Variants in SSH3 observed in about 807,000 individuals in gnomAD.
SSH3 encodes protein phosphatase Slingshot homolog 3.
A neutral mutation model predicts 75.0 loss-of-function variants in SSH3; 67 were observed. The observed-to-expected ratio is 0.89, with a 90% confidence interval of 0.73 to 1.10. The LOEUF is 1.10. Among genes scored for constraint, SSH3 ranks in the 50% least tolerant of loss-of-function variants. The probability of loss-of-function intolerance (pLI) is 0.00; values close to 1 mark genes in which losing one functional copy is unlikely to be tolerated. For synonymous variants in SSH3, 318 were observed against 349.2 expected, an observed-to-expected ratio of 0.91 and a Z score of 1.00; for missense variants, 824 against 872.7, an observed-to-expected ratio of 0.94 and a Z score of 0.70.
Position 67,306,996 on chromosome 11 carries a change from G to A in SSH3, c.464+34G>A, listed in dbSNP as rs111668765. Reference sequence around the variant, plus strand: ...AGGGAGAGGAAAGGAGGGGCAAAGAGGTGAGGGACAGGGGGGACAATGGCT... The same window carrying A: ...AGGGAGAGGAAAGGAGGGGCAAAGAAGTGAGGGACAGGGGGGACAATGGCT... On this transcript the variant is annotated intron_variant, in intron 4 of 13. Transcript: ENST00000308127. 8.8e-4 allele frequency: 1,424 copies of A among 1,613,320 alleles called. 11 individuals are homozygous for A. In the African/African-American group the frequency reaches 0.017, roughly 19 times the overall value.
At chr11:67,304,042 ACT>A (rs778819419) in intron 1 of SSH3, 74 bp from the exon 2 acceptor site, 1,054 of 1,508,662 alleles carry the variant, frequency 7.0e-4, no homozygotes, top group Non-Finnish European at 8.9e-4. Flanking sequence ...GCCTCCCCCA[ACT>A]CTAGAATTCC....
chr11:67,306,773 G>T, intron 3 of SSH3, 65 bp from the exon 4 acceptor site: 1 of 1,524,712 alleles, frequency 6.6e-7, no homozygotes. Flanking sequence ...CTGGGCCTGG[G>T]GTGTCTAGGT....
intron 3 of SSH3, 55 bp downstream of exon 3, chr11:67,305,062 A>T: frequency 6.6e-7 from 1 of 1,520,316 alleles, no homozygotes; most frequent in East Asian, 2.4e-5. Flanking sequence ...GCCTGAGGGC[A>T]GAATGGAGCC....
Position 67,309,436 on chromosome 11 carries a change from C to A in SSH3, c.1101C>A (p.Asn367Lys). The A allele has an allele frequency of 6.2e-7, 1 of 1,614,196 alleles. No homozygotes were observed. Among genetic ancestry groups the A allele is most frequent in the Non-Finnish European group, 8.5e-7 (1 of 1,180,028 alleles). The change falls in exon 11 of 14, where the codon AAC becomes AAA. Residue 367 changes from asparagine to lysine, a missense_variant. Asn to Lys is a moderately conservative substitution (Grantham distance 94). Coordinates refer to ENST00000308127, the MANE Select transcript of SSH3 (RefSeq NM_017857.4). ...TGAACATGGCCCGGGAGATTGACAA[C>A]TTCTACCCTGAGCGCTTCACCTACC... ...HILNMAREIDNFYPERFTYHN... is the reference protein window; with the variant it reads ...HILNMAREIDKFYPERFTYHN...
rs981059150 is a variant in SSH3 at position 67,306,773 on chromosome 11, G to A, written c.340-65G>A. The A allele has an allele frequency of 2.0e-6, 3 of 1,524,594 alleles. No homozygotes were observed. In the African/African-American group the frequency reaches 4.1e-5, roughly 21 times the overall value. The allele number at this position is 1,524,594 out of a possible 1,614,324, so 94.4% of individuals were successfully genotyped here. ...AGGGTCAGCACTGTTCTGGGCCTGG[G>A]GTGTCTAGGTGGGGAGCAGGGTCCT... On this transcript the variant is annotated intron_variant, in intron 3 of 13. Transcript: ENST00000308127.
In SSH3 at chr11:67,307,954, CG is replaced by C; in HGVS notation, c.885+19del. On this transcript the variant is annotated intron_variant, in intron 8 of 13. Transcript: ENST00000308127. This position sits in a 1 kb window ranked among gnomAD's most constrained non-coding sequence, Gnocchi z 4.2. ...CTTCCAAAGAGGTGGGCAGGGGGCC[CG>C]GGGACTGAGTCCCCTCTAGCAGGGG... is the stretch of plus-strand genomic sequence containing the variant. The C allele has an allele frequency of 6.2e-7, 1 of 1,614,002 alleles. No homozygotes were observed. The highest frequency in any genetic ancestry group is 2.2e-5 in the East Asian group (1 of 44,888).
rs547686495 is a variant in SSH3 at position 67,311,873 on chromosome 11, G to A, written c.1966G>A (p.Glu656Lys). Reference sequence around the variant, plus strand: ...GGCCAGCGTGCATGACAGTGGAGAGGAGGGCGAGGCCTGAGCCCTCACACA... The same window carrying A: ...GGCCAGCGTGCATGACAGTGGAGAGAAGGGCGAGGCCTGAGCCCTCACACA... Reference protein sequence around the residue: ...RQASVHDSGEEGEA With the variant: ...RQASVHDSGEKGEA The change falls in exon 14 of 14, where the codon GAG becomes AAG. Residue 656 changes from glutamate (E) to lysine (K), a missense_variant. Glu to Lys is a moderately conservative substitution (Grantham distance 56, BLOSUM62 1). Transcript: ENST00000308127. 3.7e-6 allele frequency: 6 copies of A among 1,611,580 alleles called. No individual in the cohort carries two copies. The South Asian group carries it at 4.4e-5, about 12-fold the overall frequency.
At chr11:67,304,260 A>G (rs961663220) in intron 2 of SSH3, 105 bp downstream of exon 2, 12 of 919,556 alleles carry the variant, frequency 1.3e-5, no homozygotes, top group Non-Finnish European at 1.8e-5. Context: ...GAGGACGCGC[A>G]GCGAAGCCCA....
Position 67,307,322 on chromosome 11 carries a change from C to G in SSH3, c.537-49C>G. 6.2e-7 allele frequency: 1 copy of G among 1,610,210 alleles called. No homozygotes were observed. The highest frequency in any genetic ancestry group is 8.5e-7 in the Non-Finnish European group (1 of 1,178,844). On this transcript the variant is annotated intron_variant, in intron 5 of 13. Coordinates refer to ENST00000308127, the MANE Select transcript of SSH3 (RefSeq NM_017857.4). The surrounding 1 kb of genome is among the most constrained non-coding windows in gnomAD (Gnocchi z 4.2). ...CGTATCCAGCAAAAGGATGGGTTCT[C>G]TGTCGCAGAGCCTGGAGTCTGGCCT...
chr11:67,311,529 T>C, intron 13 of SSH3, 62 bp from the exon 14 acceptor site: 1 of 1,597,014 alleles, frequency 6.3e-7, no homozygotes, highest in Non-Finnish European at 8.5e-7. Flanking sequence ...CCCGGCTCTG[T>C]GCTTGGGCAC....
In SSH3 at chr11:67,308,851, C is replaced by T. The variant is rs1039917413; in HGVS notation, c.1061+393C>T. On this transcript the variant is annotated intron_variant, in intron 10 of 13. Coordinates refer to ENST00000308127, the MANE Select transcript of SSH3 (RefSeq NM_017857.4). This position sits in a 1 kb window ranked among gnomAD's most constrained non-coding sequence, Gnocchi z 4.9. Reference sequence around the variant, plus strand: ...TCGCTTGAGCCCTGGAGATTGAGGCCGCAGTGAGCCGTGATCACGCCACTG... The same window carrying T: ...TCGCTTGAGCCCTGGAGATTGAGGCTGCAGTGAGCCGTGATCACGCCACTG... 1.3e-5 allele frequency among the ~76,000 whole-genome samples: 2 copies of T among 151,938 alleles called. No homozygotes were observed. Among genetic ancestry groups the T allele is most frequent in the Non-Finnish European group, 2.9e-5 (2 of 67,976 alleles).
rs934161794 is a variant in SSH3, at chr11:67,307,290, G to C, written c.537-81G>C. 6 of 1,587,428 alleles carry C rather than the reference G, an allele frequency of 3.8e-6. No individual in the cohort carries two copies. The highest frequency in any genetic ancestry group is 5.1e-6 in the Non-Finnish European group (6 of 1,168,216). Reference sequence around the variant, plus strand: ...GCAAGGCACCTGACTCCTGGGTCTCGGCTTCCCGTATCCAGCAAAAGGATG... The same window carrying C: ...GCAAGGCACCTGACTCCTGGGTCTCCGCTTCCCGTATCCAGCAAAAGGATG... On this transcript the variant is annotated intron_variant, in intron 5 of 13. Coordinates refer to ENST00000308127, the MANE Select transcript of SSH3 (RefSeq NM_017857.4). This position sits in a 1 kb window ranked among gnomAD's most constrained non-coding sequence, Gnocchi z 4.2.
rs1240603825 is a variant in SSH3, at chr11:67,311,659, G to C, written c.1752G>C (p.Lys584Asn). The C allele has an allele frequency of 1.9e-6, 3 of 1,614,010 alleles. No individual in the cohort carries two copies. The highest frequency in any genetic ancestry group is 2.5e-6 in the Non-Finnish European group (3 of 1,180,024). ...CCTTCCCACAGCTTGCAAGGACCAA[G>C]GGAGGCCAGCAGGTGGACAGGGGGC... Reference protein sequence around the residue: ...LQPFPQLARTKGGQQVDRGPQ... With the variant: ...LQPFPQLARTNGGQQVDRGPQ... The change falls in exon 14 of 14, where the codon AAG becomes AAC. Residue 584 changes from lysine (K) to asparagine (N), a missense_variant. Transcript: ENST00000308127.
At position 67,307,613 on chromosome 11, in the gene SSH3, G is replaced by A. The variant is rs1482297447; in HGVS notation, c.667G>A (p.Gly223Ser). ...AALGSGLVPG[G>S]SALTWASHYQ... Reference sequence around the variant, plus strand: ...TCTAGGCAGCGGCCTTGTACCGGGTGGCAGTGCCCTCACCTGGGCCAGCCA... The same window carrying A: ...TCTAGGCAGCGGCCTTGTACCGGGTAGCAGTGCCCTCACCTGGGCCAGCCA... Residue 223 changes from glycine (G) to serine (S), a missense_variant, in exon 7 of 14, where the codon GGC (glycine) becomes AGC (serine). Transcript: ENST00000308127. This position sits in a 1 kb window ranked among gnomAD's most constrained non-coding sequence, Gnocchi z 4.2. 1 of 1,613,840 alleles carries A rather than the reference G, an allele frequency of 6.2e-7. No individual in the cohort carries two copies. Among genetic ancestry groups the A allele is most frequent in the East Asian group, 2.2e-5 (1 of 44,884 alleles).
At chr11:67,310,416 G>T (rs1338729707) in intron 13 of SSH3, 77 bp downstream of exon 13, 56 of 1,515,276 alleles carry the variant, frequency 3.7e-5, no homozygotes, top group Non-Finnish European at 4.9e-5. Flanking sequence ...ACCAGGATGG[G>T]CGTTTGACTG....
In SSH3 at chr11:67,311,624, C is replaced by G; in HGVS notation, c.1717C>G (p.Pro573Ala). 7 of 1,614,132 alleles carry G rather than the reference C, an allele frequency of 4.3e-6. No individual in the cohort carries two copies. Among genetic ancestry groups the G allele is most frequent in the Non-Finnish European group, 5.9e-6 (7 of 1,180,028 alleles). The change falls in exon 14 of 14, where the codon CCT (proline) becomes GCT (alanine). Residue 573 changes from proline to alanine, a missense_variant. Physicochemically the swap from Pro to Ala is conservative, Grantham distance 27. Transcript: ENST00000308127. ...FSSHESSHEE[P>A]LQPFPQLART... ...TTCCCACGAGTCTTCACATGAAGAGCCTCTGCAGCCCTTCCCACAGCTTGC... is the reference window on the plus strand; with the variant it reads ...TTCCCACGAGTCTTCACATGAAGAGGCTCTGCAGCCCTTCCCACAGCTTGC...
chr11:67,309,929 T>G lies in SSH3; in HGVS notation c.1370T>G (p.Leu457Arg). The G allele has an allele frequency of 6.2e-7, 1 of 1,610,708 alleles. No individual in the cohort carries two copies. The highest frequency in any genetic ancestry group is 1.1e-5 in the South Asian group (1 of 91,082). ...RPIARPNPGF[L>R]RQLQIYQGIL... ...ATCGCCCGCCCCAACCCTGGCTTCC[T>G]GCGCCAGCTGCAGATCTACCAGGGC... Residue 457 changes from leucine (L) to arginine (R), a missense_variant, in exon 12 of 14, where the codon CTG becomes CGG. By Grantham distance (102) the Leu-to-Arg change is moderately radical (BLOSUM62 -2). Coordinates refer to ENST00000308127, the MANE Select transcript of SSH3 (RefSeq NM_017857.4).
At chr11:67,309,643 G>T in intron 11 of SSH3, 100 bp downstream of exon 11, 1 of 1,574,034 alleles carries the variant, frequency 6.4e-7, no homozygotes, top group Non-Finnish European at 8.6e-7. Context: ...ATTCCTTCCA[G>T]CCCTCAGTGT....
At chr11:67,304,195 C>A in intron 2 of SSH3, 40 bp downstream of exon 2, 1 of 1,490,274 alleles carries the variant, frequency 6.7e-7, no homozygotes, top group Non-Finnish European at 9.2e-7. Flanking sequence ...TCCGTCTGCC[C>A]CGGGCCTGGC....
Sources: allele counts gnomAD v4.1 joint callset (sites outside exome capture counted in the v4.1 genomes callset), GRCh38; gene constraint gnomAD v4.1.1; non-coding constraint Gnocchi (gnomAD v3.1); transcripts MANE v1.5; gene names NCBI Gene and HGNC (gene_info 2026-07-23, HGNC 2026-07-21).